The following ROS1 variants were observed in gnomAD, a reference collection of about 807,000 sequenced individuals.
The protein encoded by ROS1 is ROS proto-oncogene 1, receptor tyrosine kinase.
ROS1 carries 263 observed loss-of-function variants against 273.5 expected under a neutral mutation model. The observed-to-expected ratio is 0.96, with a 90% confidence interval of 0.87 to 1.06. The LOEUF is 1.06. ROS1 is among the 50% of genes least tolerant of loss of function. ROS1 has a pLI of 0.00. For missense variants in ROS1, 2,833 were observed against 2,751.1 expected, an observed-to-expected ratio of 1.03 and a Z score of -0.67; for synonymous variants, 1,008 against 954.1, an observed-to-expected ratio of 1.06 and a Z score of -1.04.
At chr6:117,412,161 G>T (rs1441676031) in intron 4 of ROS1, among the ~76,000 whole-genome samples, 1 of 152,136 alleles carries the variant, frequency 6.6e-6, no homozygotes, top group Non-Finnish European at 1.5e-5. Flanking sequence ...GTCAAGACAG[G>T]CAGGCAGTGG....
chr6:117,338,850 A>G (rs182939613), intron 31 of ROS1, among the ~76,000 whole-genome samples: 3 of 152,204 alleles, frequency 2.0e-5, no homozygotes, highest in Admixed American at 1.3e-4. Context: ...GAAGGCTACC[A>G]TAGAGGGATT....
In ROS1 at chr6:117,389,518, C is replaced by T. The variant is rs1442991049; in HGVS notation, c.1618G>A (p.Gly540Arg). Residue 540 changes from glycine (G) to arginine (R), a missense_variant, in exon 13 of 44, where the codon GGA (glycine) becomes AGA (arginine). Gly to Arg is a moderately radical substitution (Grantham distance 125, BLOSUM62 -2). Coordinates refer to ENST00000368507, the MANE Select transcript of ROS1 (RefSeq NM_001378902.1). ...DALSFNEFIVGCDLSHIEEFG... is the reference protein window; with the variant it reads ...DALSFNEFIVRCDLSHIEEFG... ...TCTTCTATGTGACTCAGGTCACATC[C>T]CACGATGAATTCATTAAAAGACAAA... 11 of 1,613,998 alleles carry T rather than the reference C, an allele frequency of 6.8e-6. No homozygotes were observed. The highest frequency in any genetic ancestry group is 8.5e-6 in the Non-Finnish European group (10 of 1,180,012).
At chr6:117,325,528 G>A (rs1473803546) in intron 34 of ROS1, among the ~76,000 whole-genome samples, 1 of 152,178 alleles carries the variant, frequency 6.6e-6, no homozygotes, top group African/African-American at 2.4e-5. Flanking sequence ...TAAATGGAGA[G>A]CCATTGTGGG....
At chr6:117,326,448 G>A (rs1214804428) in intron 33 of ROS1, 34 bp from the exon 34 acceptor site, 1 of 1,258,428 alleles carries the variant, frequency 7.9e-7, no homozygotes, top group Non-Finnish European at 1.1e-6. Flanking sequence ...AAATATACAT[G>A]ACAATATACC....
intron 4 of ROS1, among the ~76,000 whole-genome samples, chr6:117,413,869 T>C (rs1047538299): frequency 3.3e-5 from 5 of 152,078 alleles, no homozygotes; most frequent in African/African-American, 1.2e-4. Context: ...TAGCCCCAGC[T>C]ACTCAGAAAG....
intron 32 of ROS1, among the ~76,000 whole-genome samples, chr6:117,329,926 T>C (rs1048498769): frequency 6.6e-6 from 1 of 152,152 alleles, no homozygotes; most frequent in Non-Finnish European, 1.5e-5. Flanking sequence ...GCCTCTCAGC[T>C]GGAATCTGCC....
rs769545143 is a variant in ROS1 at position 117,389,763 on chromosome 6, A to G, written c.1373T>C (p.Ile458Thr). ...GTCCTTTAACGTGCAACTCTCCACA[A>G]TACGCACAGCTTCTGCACACCGGCC... ...PSGRCAEAVR[I>T]VESCTLKDFA... is the part of the protein sequence containing the mutation. Residue 458 changes from isoleucine (I) to threonine (T), a missense_variant, in exon 13 of 44, where the codon ATT (isoleucine) becomes ACT (threonine). Ile to Thr is a moderately conservative substitution (Grantham distance 89). Transcript: ENST00000368507. 1.2e-6 allele frequency: 2 copies of G among 1,614,096 alleles called. No individual in the cohort carries two copies. Among genetic ancestry groups the G allele is most frequent in the African/African-American group, 2.7e-5 (2 of 74,938 alleles).
intron 20 of ROS1, 28 bp from the exon 21 acceptor site, chr6:117,365,232 TC>T (rs1327880297): frequency 6.5e-7 from 1 of 1,539,144 alleles, no homozygotes; most frequent in Middle Eastern, 1.8e-4. Context: ...AACATTATTT[TC>T]TCAGGGAGAG....
At chr6:117,319,799 A>G (rs1481813728) in intron 37 of ROS1, 69 bp downstream of exon 37, 1 of 1,407,380 alleles carries the variant, frequency 7.1e-7, no homozygotes, top group African/African-American at 1.4e-5. Context: ...TTTTATTATA[A>G]TTATATCCAG....
intron 31 of ROS1, among the ~76,000 whole-genome samples, chr6:117,338,696 G>T (rs191200402): frequency 6.6e-6 from 1 of 152,100 alleles, no homozygotes; most frequent in African/African-American, 2.4e-5. Context: ...CAAGCTTACC[G>T]CTGGAAAATG....
chr6:117,403,171 G>A lies in ROS1; in HGVS notation c.572C>T (p.Pro191Leu). The A allele has an allele frequency of 6.2e-7, 1 of 1,613,656 alleles. No homozygotes were observed. The highest frequency in any genetic ancestry group is 8.5e-7 in the Non-Finnish European group (1 of 1,179,892). The change falls in exon 7 of 44, where the codon CCA (proline) becomes CTA (leucine). Residue 191 changes from proline (P) to leucine (L), a missense_variant. Coordinates refer to ENST00000368507, the MANE Select transcript of ROS1 (RefSeq NM_001378902.1). ...AGGATGAGTCCTGTAACTGGGACTT[G>A]GAGGGGAGTAGAGCTGCAGCTGCGC... Reference protein sequence around the residue: ...FTAQLQLYSPPSPSYRTHPHG... With the variant: ...FTAQLQLYSPLSPSYRTHPHG...
intron 33 of ROS1, among the ~76,000 whole-genome samples, chr6:117,327,186 T>C (rs1249552188): frequency 6.6e-6 from 1 of 152,174 alleles, no homozygotes; most frequent in African/African-American, 2.4e-5. Flanking sequence ...TCCTGCTAAT[T>C]GACTCATCCT....
At chr6:117,319,416 T>G (rs1776131342) in intron 37 of ROS1, among the ~76,000 whole-genome samples, 1 of 152,132 alleles carries the variant, frequency 6.6e-6, no homozygotes, top group Admixed American at 6.5e-5. Context: ...TGTTCATAAG[T>G]AAAGTTTTAT....
intron 31 of ROS1, 110 bp from the exon 32 acceptor site, chr6:117,337,450 A>G (rs1245623974): frequency 2.5e-6 from 2 of 797,276 alleles, no homozygotes; most frequent in Non-Finnish European, 3.8e-6. Context: ...ATTCTTTTCT[A>G]TTAAAGAATA....
chr6:117,405,308 A>T (rs888833981), intron 5 of ROS1, among the ~76,000 whole-genome samples: 1 of 152,188 alleles, frequency 6.6e-6, no homozygotes, highest in African/African-American at 2.4e-5. Context: ...AATCCAGAAA[A>T]ATCAAGGCCA....
intron 43 of ROS1, among the ~76,000 whole-genome samples, chr6:117,296,988 T>C (rs1774296303): frequency 6.6e-6 from 1 of 152,146 alleles, no homozygotes; most frequent in South Asian, 2.1e-4. Flanking sequence ...AAGGCTATAG[T>C]AATCAAACAG....
Position 117,321,255 on chromosome 6 carries a change from A to G in ROS1, c.5759+4T>C, listed in dbSNP as rs55708202. ...GCTCCATAATGATGGCCAAAGCTAC[A>G]TACTGTATTGCATAGCAGGCATTAG... is the stretch of plus-strand genomic sequence containing the variant. On this transcript the variant is annotated splice_donor_region_variant and intron_variant, in intron 36 of 43. Coordinates refer to ENST00000368507, the MANE Select transcript of ROS1 (RefSeq NM_001378902.1). 13 of 1,612,870 alleles carry G rather than the reference A, an allele frequency of 8.1e-6. No individual in the cohort carries two copies. The highest frequency in any genetic ancestry group is 1.3e-5 in the African/African-American group (1 of 74,970).
chr6:117,414,309 T>C (rs1346123441), intron 4 of ROS1, among the ~76,000 whole-genome samples: 1 of 152,134 alleles, frequency 6.6e-6, no homozygotes, highest in Non-Finnish European at 1.5e-5. Context: ...ATATATTATA[T>C]ACATGCACAT....
At position 117,364,676 on chromosome 6, in the gene ROS1, G is replaced by A. The variant is rs145197913; in HGVS notation, c.3103+384C>T. Reference sequence around the variant, plus strand: ...TCTTTTCCCCAAAACATTAAATTTAGATATCAGTTATTCACCTACAGAAGA... The same window carrying A: ...TCTTTTCCCCAAAACATTAAATTTAAATATCAGTTATTCACCTACAGAAGA... On this transcript the variant is annotated intron_variant, in intron 21 of 43. Transcript: ENST00000368507. Among the ~76,000 whole-genome samples, 28 of 152,246 alleles carry A rather than the reference G, an allele frequency of 1.8e-4. No individual in the cohort carries two copies. In the East Asian group the frequency reaches 5.0e-3, roughly 27 times the overall value.
Sources: gnomAD v4.1 joint callset for allele counts (sites outside exome capture counted in the v4.1 genomes callset) on GRCh38, gnomAD v4.1.1 for gene constraint, MANE v1.5 for transcripts, NCBI Gene and HGNC (gene_info 2026-07-23, HGNC 2026-07-21) for gene names.